The following OR51E1 variants were observed in gnomAD, a reference collection of about 807,000 sequenced individuals.
OR51E1 encodes the protein olfactory receptor family 51 subfamily E member 1.
Under a neutral mutation model 11.5 loss-of-function variants are expected in OR51E1, and 9 were observed. That is an observed-to-expected ratio of 0.78 (90% confidence interval 0.47 to 1.37). The LOEUF (loss-of-function observed/expected upper bound fraction) is 1.37, where lower values mean the gene tolerates loss of function less well. Ranked by LOEUF, OR51E1 falls within the 40% of genes most tolerant of loss-of-function variation. OR51E1 has a pLI of 0.00. For missense variants in OR51E1, 397 were observed against 410.2 expected (o/e 0.97, Z 0.28); for synonymous variants, 168 against 158.3 (o/e 1.06, Z -0.46).
intron 1 of OR51E1, among the ~76,000 whole-genome samples, chr11:4,647,387 C>G (rs1221853382): frequency 6.6e-6 from 1 of 152,006 alleles, no homozygotes; most frequent in Non-Finnish European, 1.5e-5. Context: ...GTCTTCTGTC[C>G]CTCTGCCTGT....
Position 4,653,569 on chromosome 11 carries a change from A to G in OR51E1, c.*86A>G. ...ATTTTGGAAGACAGTATTCAGAAAA[A>G]AAATTTCCTTAATAAAAATACAACT... On this transcript the variant is annotated 3_prime_UTR_variant, in exon 2 of 2. Coordinates refer to ENST00000396952, the MANE Select transcript of OR51E1 (RefSeq NM_152430.4). 2.4e-6 allele frequency: 2 copies of G among 817,174 alleles called. No homozygotes were observed. Among genetic ancestry groups the G allele is most frequent in the South Asian group, 1.9e-5 (1 of 52,912 alleles). 50.6% of individuals were successfully genotyped at this position (817,174 alleles called of 1,614,324 possible).
Position 4,653,337 on chromosome 11 carries a change from G to C in OR51E1, c.811G>C (p.Asp271His), listed in dbSNP as rs866497425. Residue 271 changes from aspartate (D) to histidine (H), a missense_variant, in exon 2 of 2, where the codon GAC becomes CAC. By Grantham distance (81) the Asp-to-His change is moderately conservative. Coordinates refer to ENST00000396952, the MANE Select transcript of OR51E1 (RefSeq NM_152430.4). Reference sequence around the variant, plus strand: ...GGTGCATCGCTTTAGCAAGCGGCGTGACTCTCCGCTGCCCGTCATCTTGGC... The same window carrying C: ...GGTGCATCGCTTTAGCAAGCGGCGTCACTCTCCGCTGCCCGTCATCTTGGC... ...SMVHRFSKRR[D>H]SPLPVILANI... 1 of 1,614,064 alleles carries C rather than the reference G, an allele frequency of 6.2e-7. No individual in the cohort carries two copies. The highest frequency in any genetic ancestry group is 2.2e-5 in the East Asian group (1 of 44,890).
At chr11:4,650,766 T>A (rs1847085074) in intron 1 of OR51E1, among the ~76,000 whole-genome samples, 1 of 152,112 alleles carries the variant, frequency 6.6e-6, no homozygotes, top group Non-Finnish European at 1.5e-5. Context: ...ATACACATGA[T>A]CTAATAAATA....
rs1847157700 is a variant in OR51E1 at position 4,655,401 on chromosome 11, C to T, written c.*1918C>T. ...TCTGAAAAAACTGTGCAGAGCCAAA[C>T]CTCTGTCATTTGCAACTCCCACTTG... On this transcript the variant is annotated 3_prime_UTR_variant, in exon 2 of 2. Transcript: ENST00000396952. The T allele has an allele frequency of 6.0e-6, 1 of 166,980 alleles. No individual in the cohort carries two copies. Among genetic ancestry groups the T allele is most frequent in the Admixed American group, 6.5e-5 (1 of 15,278 alleles). 10.3% of individuals were successfully genotyped at this position (166,980 alleles called of 1,614,324 possible).
Position 4,652,470 on chromosome 11 carries a change from C to A in OR51E1, c.-39-18C>A. On this transcript the variant is annotated intron_variant, in intron 1 of 1. Coordinates refer to ENST00000396952, the MANE Select transcript of OR51E1 (RefSeq NM_152430.4). ...GGGATGCTTATGGATCTGACAGTGG[C>A]TTATCTTTGCATTCCAGCCTCTACC... The A allele has an allele frequency of 8.4e-7, 1 of 1,184,720 alleles. No homozygotes were observed. The highest frequency in any genetic ancestry group is 1.2e-6 in the Non-Finnish European group (1 of 809,468). 73.4% of individuals were successfully genotyped at this position (1,184,720 alleles called of 1,614,324 possible).
At chr11:4,644,864 C>T (rs920780518) in intron 1 of OR51E1, among the ~76,000 whole-genome samples, 12 of 152,170 alleles carry the variant, frequency 7.9e-5, no homozygotes, top group Non-Finnish European at 1.6e-4. Flanking sequence ...GCCTTCCTCC[C>T]GCCTCATCTT....
chr11:4,644,502 A>G (rs916428106), intron 1 of OR51E1, among the ~76,000 whole-genome samples: 2 of 152,086 alleles, frequency 1.3e-5, no homozygotes, highest in Admixed American at 6.5e-5. Context: ...TATGCTGTAC[A>G]TCAGGAGTCA....
At chr11:4,645,827 G>A (rs1589860510) in intron 1 of OR51E1, among the ~76,000 whole-genome samples, 1 of 152,228 alleles carries the variant, frequency 6.6e-6, no homozygotes, top group East Asian at 1.9e-4. Context: ...GGGCTCACTT[G>A]GCTTTTTGGG....
At chr11:4,648,154 C>A (rs1167845353) in intron 1 of OR51E1, among the ~76,000 whole-genome samples, 1 of 152,216 alleles carries the variant, frequency 6.6e-6, no homozygotes, top group Non-Finnish European at 1.5e-5. Context: ...ATTTTAGCCC[C>A]AGCGATAGCT....
chr11:4,652,181 T>C (rs920367636), intron 1 of OR51E1, among the ~76,000 whole-genome samples: 5 of 152,244 alleles, frequency 3.3e-5, no homozygotes, highest in African/African-American at 1.2e-4. Flanking sequence ...TAAGATTCTT[T>C]TATATTCAGC....
At chr11:4,650,293 C>T (rs1246833277) in intron 1 of OR51E1, among the ~76,000 whole-genome samples, 1 of 151,950 alleles carries the variant, frequency 6.6e-6, no homozygotes, top group Non-Finnish European at 1.5e-5. Context: ...GATCCAGAAA[C>T]GAAACCAATA....
intron 1 of OR51E1, among the ~76,000 whole-genome samples, chr11:4,649,252 A>C (rs1173340944): frequency 6.6e-6 from 1 of 152,238 alleles, no homozygotes; most frequent in Non-Finnish European, 1.5e-5. Context: ...TGAGCACAGA[A>C]CAGTAAGCAT....
Position 4,654,454 on chromosome 11 carries a change from G to A in OR51E1, c.*971G>A, listed in dbSNP as rs893047490. The stretch of plus-strand genomic sequence containing the variant: ...CCAATTGCCAATTACCTGTGTCTTG[G>A]AAGAAGTGATTTCTAGGTTCACCAT... On this transcript the variant is annotated 3_prime_UTR_variant, in exon 2 of 2. Coordinates refer to ENST00000396952, the MANE Select transcript of OR51E1 (RefSeq NM_152430.4). 6.0e-6 allele frequency: 1 copy of A among 167,078 alleles called. No individual in the cohort carries two copies. Among genetic ancestry groups the A allele is most frequent in the African/African-American group, 2.4e-5 (1 of 41,446 alleles). 10.3% of individuals were successfully genotyped at this position (167,078 alleles called of 1,614,324 possible). A position where few individuals can be genotyped will look rare whatever the true frequency, so the allele number is the denominator to read the frequency against.
At chr11:4,645,722 T>C (rs1423312359) in intron 1 of OR51E1, among the ~76,000 whole-genome samples, 7 of 152,126 alleles carry the variant, frequency 4.6e-5, no homozygotes, top group Non-Finnish European at 2.9e-5. Flanking sequence ...CTGGTCCTAC[T>C]CAGGAAGTGG....
intron 1 of OR51E1, among the ~76,000 whole-genome samples, chr11:4,644,297 A>T (rs997690289): frequency 1.3e-5 from 2 of 152,068 alleles, no homozygotes; most frequent in African/African-American, 4.8e-5. Context: ...GCCCATCTGG[A>T]GGCTGGCAGG....
rs1236947786 is a variant in OR51E1 at position 4,653,573 on chromosome 11, T to A, written c.*90T>A. 2.3e-5 allele frequency: 18 copies of A among 781,838 alleles called. No homozygotes were observed. The highest frequency in any genetic ancestry group is 3.3e-5 in the Non-Finnish European group (16 of 483,108). The allele number at this position is 781,838 out of a possible 1,614,324, so 48.4% of individuals were successfully genotyped here. ...TGGAAGACAGTATTCAGAAAAAAAATTTCCTTAATAAAAATACAACTCAGA... is the reference window on the plus strand; with the variant it reads ...TGGAAGACAGTATTCAGAAAAAAAAATTCCTTAATAAAAATACAACTCAGA... On this transcript the variant is annotated 3_prime_UTR_variant, in exon 2 of 2. Coordinates refer to ENST00000396952, the MANE Select transcript of OR51E1 (RefSeq NM_152430.4).
chr11:4,651,723 G>A (rs986629798), intron 1 of OR51E1, among the ~76,000 whole-genome samples: 12 of 152,306 alleles, frequency 7.9e-5, no homozygotes, highest in Middle Eastern at 3.4e-3. Flanking sequence ...ATCCACTAGA[G>A]CCATCATTCT....
At chr11:4,651,674 T>A (rs1190357380) in intron 1 of OR51E1, among the ~76,000 whole-genome samples, 1 of 152,178 alleles carries the variant, frequency 6.6e-6, no homozygotes, top group Non-Finnish European at 1.5e-5. Context: ...GATGGTTACA[T>A]TGGCTTTGTG....
chr11:4,649,376 T>A (rs1847066621), intron 1 of OR51E1, among the ~76,000 whole-genome samples: 1 of 151,820 alleles, frequency 6.6e-6, no homozygotes, highest in Admixed American at 6.6e-5. Flanking sequence ...GGAGGAACAG[T>A]TTTTCTTGAC....
Sources: gnomAD v4.1 joint callset for allele counts (sites outside exome capture counted in the v4.1 genomes callset) on GRCh38, gnomAD v4.1.1 for gene constraint, MANE v1.5 for transcripts, NCBI Gene and HGNC (gene_info 2026-07-23, HGNC 2026-07-21) for gene names.